ADGRB3: variants seen among roughly 807,000 people sequenced by gnomAD.
The protein encoded by ADGRB3 is brain-specific angiogenesis inhibitor 3.
In ADGRB3, 37 loss-of-function variants were observed where a neutral mutation model predicts 193.4. That is an observed-to-expected ratio of 0.19 (90% CI 0.15 to 0.25). The LOEUF is 0.25. Ranked by LOEUF, ADGRB3 falls within the 10% of genes least tolerant of loss-of-function variation. ADGRB3 has a pLI of 1.00. For synonymous variants in ADGRB3, 690 were observed against 644.2 expected (o/e 1.07, Z -1.08); for missense variants, 1,637 against 1,852.9 (o/e 0.88, Z 2.14).
chr6:68,772,887 A>AC (rs1766654028), intron 3 of ADGRB3, among the ~76,000 whole-genome samples: 2 of 48,292 alleles, frequency 4.1e-5, no homozygotes, highest in Non-Finnish European at 6.6e-5. Context: ...ACAAACAAAA[A>AC]AAAAAAAATA....
intron 13 of ADGRB3, among the ~76,000 whole-genome samples, chr6:69,026,240 G>C (rs780469553): frequency 2.6e-5 from 4 of 152,216 alleles, no homozygotes; most frequent in Non-Finnish European, 4.4e-5. Context: ...GACAGGGTGA[G>C]TGGTTAACGA....
At chr6:69,158,854 A>G (rs1358585154) in intron 17 of ADGRB3, among the ~76,000 whole-genome samples, 1 of 152,152 alleles carries the variant, frequency 6.6e-6, no homozygotes, top group Non-Finnish European at 1.5e-5. Flanking sequence ...AATGCAGACT[A>G]TAATATCATT....
At chr6:69,075,353 G>A (rs1330967759) in intron 16 of ADGRB3, among the ~76,000 whole-genome samples, 1 of 152,156 alleles carries the variant, frequency 6.6e-6, no homozygotes, top group Non-Finnish European at 1.5e-5. Flanking sequence ...GAATAATGCA[G>A]TGTGAAAAAT....
intron 3 of ADGRB3, among the ~76,000 whole-genome samples, chr6:68,676,640 A>G (rs1769099181): frequency 1.3e-5 from 2 of 152,168 alleles, no homozygotes; most frequent in South Asian, 2.1e-4. Context: ...TAATATTTCT[A>G]TGGTCTTGCA....
intron 17 of ADGRB3, among the ~76,000 whole-genome samples, chr6:69,120,812 A>G (rs1458766235): frequency 2.0e-5 from 3 of 152,204 alleles, no homozygotes; most frequent in Non-Finnish European, 4.4e-5. Context: ...AACATAGGTA[A>G]TAAAGATGAC....
intron 24 of ADGRB3, among the ~76,000 whole-genome samples, chr6:69,335,187 TTTAA>T (rs1474547528): frequency 6.6e-6 from 1 of 152,146 alleles, no homozygotes; most frequent in Non-Finnish European, 1.5e-5. Context: ...TTTTTTCTTA[TTTAA>T]TTATTTTATG....
chr6:69,189,722 T>G (rs937361663), intron 17 of ADGRB3, among the ~76,000 whole-genome samples: 1 of 152,210 alleles, frequency 6.6e-6, no homozygotes, highest in African/African-American at 2.4e-5. Context: ...ATCAATAAAA[T>G]TTTGTCTCTT....
At chr6:68,991,675 A>T (rs1430437174) in intron 10 of ADGRB3, among the ~76,000 whole-genome samples, 1 of 152,074 alleles carries the variant, frequency 6.6e-6, no homozygotes, top group African/African-American at 2.4e-5. Context: ...AATGGCGGGG[A>T]ACGGGGAAGA....
At chr6:69,244,150 A>G (rs1766441026) in intron 20 of ADGRB3, among the ~76,000 whole-genome samples, 1 of 152,046 alleles carries the variant, frequency 6.6e-6, no homozygotes, top group South Asian at 2.1e-4. Flanking sequence ...GTGTCTTTTA[A>G]TTCAGACTTG....
chr6:69,202,002 G>A, intron 17 of ADGRB3, among the ~76,000 whole-genome samples: 1 of 152,088 alleles, frequency 6.6e-6, no homozygotes, highest in Non-Finnish European at 1.5e-5. Context: ...TATTGTAAAT[G>A]ATGTTCAGAT....
At chr6:68,861,411 A>T (rs895839946) in intron 3 of ADGRB3, among the ~76,000 whole-genome samples, 2 of 151,946 alleles carry the variant, frequency 1.3e-5, no homozygotes, top group African/African-American at 4.8e-5. Flanking sequence ...AATACAAAAA[A>T]ATTAGCCGGG....
At chr6:69,257,045 G>A (rs983042320) in intron 20 of ADGRB3, among the ~76,000 whole-genome samples, 63 of 152,086 alleles carry the variant, frequency 4.1e-4, no homozygotes, top group Non-Finnish European at 7.5e-4. Flanking sequence ...GCATCCCAGG[G>A]ATGAAGCCCA....
chr6:69,213,047 C>T (rs573504392), intron 17 of ADGRB3, among the ~76,000 whole-genome samples: 7 of 152,144 alleles, frequency 4.6e-5, no homozygotes, highest in South Asian at 2.1e-4. Flanking sequence ...TACATTAGTG[C>T]GGCTATAGAT....
intron 20 of ADGRB3, among the ~76,000 whole-genome samples, chr6:69,274,983 A>T (rs2127281459): frequency 6.6e-6 from 1 of 152,222 alleles, no homozygotes; most frequent in Middle Eastern, 3.4e-3. Context: ...ATTAAATATT[A>T]CCCATCCTCT....
At chr6:69,274,025 G>T (rs1466101619) in intron 20 of ADGRB3, among the ~76,000 whole-genome samples, 1 of 152,152 alleles carries the variant, frequency 6.6e-6, no homozygotes, top group Non-Finnish European at 1.5e-5. Flanking sequence ...TCTTCAGGAG[G>T]TAGGGGAAAA....
chr6:68,698,076 T>TATGA (rs1765185488), intron 3 of ADGRB3, among the ~76,000 whole-genome samples: 1 of 151,818 alleles, frequency 6.6e-6, no homozygotes, highest in Non-Finnish European at 1.5e-5. Flanking sequence ...ACATGATAGA[T>TATGA]ATAGATACAG....
At chr6:69,118,719 A>G (rs748082129) in intron 17 of ADGRB3, among the ~76,000 whole-genome samples, 8 of 145,396 alleles carry the variant, frequency 5.5e-5, no homozygotes, top group African/African-American at 9.9e-5. Flanking sequence ...GGTTAGTACA[A>G]GAAACATAAA....
rs1224682096 is a variant in ADGRB3 at position 68,708,885 on chromosome 6, A to G, written c.757+69453A>G. Among the ~76,000 whole-genome samples, 8 of 152,262 alleles carry G rather than the reference A, an allele frequency of 5.3e-5. No individual in the cohort carries two copies. The South Asian group carries it at 1.4e-3, about 28-fold the overall frequency. ...TCATTAATGTCGACACCTATTACCA[A>G]TCTGTACCTAATGTCACTTTTTTTT... is the stretch of plus-strand genomic sequence containing the variant. On this transcript the variant is annotated intron_variant, in intron 3 of 31. Transcript: ENST00000370598.
At chr6:69,082,588 G>A (rs567908719) in intron 17 of ADGRB3, among the ~76,000 whole-genome samples, 19 of 151,938 alleles carry the variant, frequency 1.3e-4, no homozygotes, top group Middle Eastern at 3.4e-3. Context: ...TTGGGTTATC[G>A]TCATTTTTTA....
Sources: gnomAD v4.1 joint callset for allele counts (sites outside exome capture counted in the v4.1 genomes callset) on GRCh38, gnomAD v4.1.1 for gene constraint, MANE v1.5 for transcripts, NCBI Gene and HGNC (gene_info 2026-07-23, HGNC 2026-07-21) for gene names.